Variants in SEMA3A observed in about 807,000 individuals in gnomAD.
The protein encoded by SEMA3A is semaphorin-3A.
Under a neutral mutation model 97.9 loss-of-function variants are expected in SEMA3A, and 29 were observed. The ratio of observed to expected loss-of-function variants is 0.30; its 90% CI spans 0.22 to 0.40. The LOEUF (loss-of-function observed/expected upper bound fraction) is 0.40, where lower values mean the gene tolerates loss of function less well. Among genes scored for constraint, SEMA3A ranks in the 10% least tolerant of loss-of-function variants. The pLI is 1.00. For missense variants in SEMA3A, 763 were observed against 951.3 expected (o/e 0.80, Z 2.60); for synonymous variants, 321 against 323.7 (o/e 0.99, Z 0.09).
chr7:84,258,938 C>T (rs1257035020), intron 3 of SEMA3A, among the ~76,000 whole-genome samples: 4 of 150,844 alleles, frequency 2.7e-5, no homozygotes, highest in Non-Finnish European at 5.9e-5. Flanking sequence ...TGAGCTGTGG[C>T]CTTGCCATCT....
intron 6 of SEMA3A, among the ~76,000 whole-genome samples, chr7:84,021,094 G>A (rs966498791): frequency 6.6e-6 from 1 of 152,126 alleles, no homozygotes; most frequent in Non-Finnish European, 1.5e-5. Context: ...TTTTTAGCAC[G>A]ATAGGGAAAT....
At chr7:84,355,218 G>A (rs1034491552) in intron 2 of SEMA3A, among the ~76,000 whole-genome samples, 1 of 151,800 alleles carries the variant, frequency 6.6e-6, no homozygotes, top group Non-Finnish European at 1.5e-5. Flanking sequence ...CAATTTCTCA[G>A]CTGTTTTGTA....
intron 3 of SEMA3A, among the ~76,000 whole-genome samples, chr7:84,300,291 T>C (rs535818286): frequency 6.6e-6 from 1 of 152,162 alleles, no homozygotes; most frequent in South Asian, 2.1e-4. Flanking sequence ...TATACACATC[T>C]TGATATAAAT....
intron 1 of SEMA3A, among the ~76,000 whole-genome samples, chr7:84,491,563 T>C (rs1806736099): frequency 6.6e-6 from 1 of 152,114 alleles, no homozygotes. Context: ...TGGCTGACAT[T>C]CCACCTGAAA....
chr7:84,406,399 A>C lies in SEMA3A; in HGVS notation c.-245-34499T>G, dbSNP rs1305639547. 8.5e-5 allele frequency among the ~76,000 whole-genome samples: 13 copies of C among 152,228 alleles called. No homozygotes were observed. In the East Asian group the frequency reaches 2.5e-3, roughly 30 times the overall value. On this transcript the variant is annotated intron_variant, in intron 1 of 3. Coordinates refer to the SEMA3A transcript ENST00000424555. ...CAATAACAGGCTCTGAAATTGAGGC[A>C]ATAATTAATAGTTTACCAACCAAAA...
intron 3 of SEMA3A, among the ~76,000 whole-genome samples, chr7:84,115,903 A>C (rs898174588): frequency 6.6e-6 from 1 of 152,196 alleles, no homozygotes; most frequent in African/African-American, 2.4e-5. Flanking sequence ...ACATGAAGTA[A>C]GGAGAGTTAC....
In SEMA3A at chr7:84,437,341, C is replaced by T. The variant is rs764531048; in HGVS notation, c.-246+55119G>A. ...TTTATTGCTAGTATTTAAAGTCACT[C>T]CCTGCTTTGGCCACTCTCCCTTGAA... On this transcript the variant is annotated intron_variant, in intron 1 of 3. Coordinates refer to the SEMA3A transcript ENST00000424555. Among the ~76,000 whole-genome samples the T allele has an allele frequency of 2.6e-5, 4 of 152,082 alleles. No homozygotes were observed. In the East Asian group the frequency reaches 7.7e-4, roughly 29 times the overall value.
chr7:84,216,299 G>T (rs1425609429), intron 3 of SEMA3A, among the ~76,000 whole-genome samples: 1 of 152,032 alleles, frequency 6.6e-6, no homozygotes, highest in Non-Finnish European at 1.5e-5. Flanking sequence ...TAGAGACGGG[G>T]TTTTACCATG....
intron 1 of SEMA3A, among the ~76,000 whole-genome samples, chr7:84,433,626 A>T (rs1003327747): frequency 2.6e-5 from 4 of 152,068 alleles, no homozygotes; most frequent in African/African-American, 9.7e-5. Flanking sequence ...TGGTATTTCT[A>T]GTTCTAGATC....
intron 6 of SEMA3A, among the ~76,000 whole-genome samples, chr7:84,035,305 C>G (rs1445539250): frequency 6.6e-6 from 1 of 151,736 alleles, no homozygotes; most frequent in Admixed American, 6.6e-5. Flanking sequence ...ATAGTAAAAA[C>G]CAAAGAAATT....
chr7:83,967,003 G>T (rs751626409), intron 15 of SEMA3A, among the ~76,000 whole-genome samples: 3 of 152,084 alleles, frequency 2.0e-5, no homozygotes, highest in Non-Finnish European at 4.4e-5. Flanking sequence ...GAGCCACCGC[G>T]CCCGGCCAAA....
At chr7:84,374,709 A>G (rs1803055960) in intron 1 of SEMA3A, among the ~76,000 whole-genome samples, 3 of 152,238 alleles carry the variant, frequency 2.0e-5, no homozygotes, top group Non-Finnish European at 4.4e-5. Context: ...TTAGATGTAA[A>G]AATGGAAAAG....
At chr7:84,234,074 T>C (rs983826750) in intron 3 of SEMA3A, among the ~76,000 whole-genome samples, 6 of 152,034 alleles carry the variant, frequency 3.9e-5, no homozygotes, top group Non-Finnish European at 8.8e-5. Flanking sequence ...CAATAAAAGA[T>C]GTCAATAGGA....
At chr7:84,404,610 A>G (rs1259231560) in intron 1 of SEMA3A, among the ~76,000 whole-genome samples, 1 of 152,178 alleles carries the variant, frequency 6.6e-6, no homozygotes, top group African/African-American at 2.4e-5. Context: ...ACCAAAGTTG[A>G]AATGAAGGAA....
At chr7:84,034,358 G>T (rs1224178243) in intron 6 of SEMA3A, among the ~76,000 whole-genome samples, 1 of 151,988 alleles carries the variant, frequency 6.6e-6, no homozygotes, top group African/African-American at 2.4e-5. Flanking sequence ...TAAATATTTT[G>T]CAAATTGCAG....
At chr7:84,361,595 C>A (rs524163) in intron 2 of SEMA3A, among the ~76,000 whole-genome samples, 4 of 151,518 alleles carry the variant, frequency 2.6e-5, no homozygotes, top group Non-Finnish European at 5.9e-5. Context: ...TTAGGGAGAA[C>A]GAGTAATATA....
chr7:84,194,399 T>G, intron 1 of SEMA3A, 76 bp downstream of exon 1: 2 of 893,668 alleles, frequency 2.2e-6, no homozygotes, highest in Non-Finnish European at 3.6e-6. Context: ...GATTTGGGGT[T>G]GGGAGGGAGT....
At chr7:84,358,814 G>C (rs1562918247) in intron 2 of SEMA3A, among the ~76,000 whole-genome samples, 1 of 151,990 alleles carries the variant, frequency 6.6e-6, no homozygotes, top group Non-Finnish European at 1.5e-5. Flanking sequence ...TTATTTTGTT[G>C]AACAGTGGTT....
chr7:84,148,103 C>T (rs1294345154), intron 1 of SEMA3A, among the ~76,000 whole-genome samples: 5 of 151,858 alleles, frequency 3.3e-5, no homozygotes, highest in Admixed American at 2.0e-4. Context: ...TTAGTAGCGA[C>T]GGGGTTTTGC....
Sources: allele counts gnomAD v4.1 joint callset (sites outside exome capture counted in the v4.1 genomes callset), GRCh38; gene constraint gnomAD v4.1.1; transcripts MANE v1.5; gene names NCBI Gene and HGNC (gene_info 2026-07-23, HGNC 2026-07-21).